Variants in NAV1 observed in about 807,000 individuals in gnomAD.
The protein encoded by NAV1 is pore membrane and/or filament interacting like protein 3.
A neutral mutation model predicts 175.2 loss-of-function variants in NAV1; 18 were observed. That is an observed-to-expected ratio of 0.10 (90% CI 0.07 to 0.15). The LOEUF (loss-of-function observed/expected upper bound fraction) is 0.15. Ranked by LOEUF, NAV1 falls within the 10% of genes least tolerant of loss-of-function variation. The pLI is 1.00. For synonymous variants in NAV1, 897 were observed against 978.7 expected, an observed-to-expected ratio of 0.92 and a Z score of 1.56; for missense variants, 1,731 against 2,436.6, an observed-to-expected ratio of 0.71 and a Z score of 6.10.
At chr1:201,662,621 AG>A (rs538050031) in intron 1 of NAV1, among the ~76,000 whole-genome samples, 1 of 152,148 alleles carries the variant, frequency 6.6e-6, no homozygotes, top group Admixed American at 6.5e-5. Flanking sequence ...TACCCACAGC[AG>A]GGGGGGTAAT....
At chr1:201,705,349 T>G (rs1671624785) in intron 1 of NAV1, among the ~76,000 whole-genome samples, 2 of 152,256 alleles carry the variant, frequency 1.3e-5, no homozygotes, top group African/African-American at 4.8e-5. Context: ...CTAGTTTTTC[T>G]TTCCTTGCCT....
intron 2 of NAV1, 124 bp downstream of exon 6, chr1:201,713,043 G>A: frequency 1.5e-6 from 1 of 660,996 alleles, no homozygotes; most frequent in South Asian, 1.8e-5. Context: ...CTGATGCGTG[G>A]AGCCACTGCA....
chr1:201,768,177 T>G (rs531437767), intron 3 of NAV1, among the ~76,000 whole-genome samples: 4 of 151,526 alleles, frequency 2.6e-5, no homozygotes, highest in Admixed American at 2.6e-4. Flanking sequence ...ATACAAAAAT[T>G]AGTCAGGTGT....
intron 1 of NAV1, among the ~76,000 whole-genome samples, chr1:201,659,776 A>AG (rs1472580285): frequency 6.6e-6 from 1 of 152,242 alleles, no homozygotes; most frequent in Non-Finnish European, 1.5e-5. Flanking sequence ...ATGGTCCTTC[A>AG]GGGAGTGAAG....
At chr1:201,610,718 C>T (rs563828704) in intron 2 of NAV1, among the ~76,000 whole-genome samples, 1 of 152,250 alleles carries the variant, frequency 6.6e-6, no homozygotes, top group Admixed American at 6.5e-5. Context: ...TGTTCAGAAG[C>T]CTCTCCTGGG....
intron 1 of NAV1, among the ~76,000 whole-genome samples, chr1:201,690,055 C>T (rs74557714): frequency 3.0e-5 from 4 of 133,482 alleles, no homozygotes; most frequent in Admixed American, 2.2e-4. Flanking sequence ...CTATTTCCTC[C>T]ATGGCCTGTC....
intron 1 of NAV1, among the ~76,000 whole-genome samples, chr1:201,571,444 T>C (rs954621448): frequency 2.0e-5 from 3 of 152,220 alleles, no homozygotes; most frequent in Non-Finnish European, 4.4e-5. Flanking sequence ...CTTCCATGTT[T>C]GTTCCAGGTA....
At chr1:201,649,418 G>A in exon 1 of NAV1, 1 of 1,554,248 alleles carries the variant, frequency 6.4e-7, no homozygotes, top group Non-Finnish European at 8.7e-7. Flanking sequence ...TCTTCAGCCA[G>A]ATGCTGGGTA....
chr1:201,728,158 G>A (rs972515737), intron 3 of NAV1, among the ~76,000 whole-genome samples: 3 of 151,958 alleles, frequency 2.0e-5, no homozygotes, highest in Non-Finnish European at 2.9e-5. Context: ...ATCTCACTCT[G>A]TTGCACAGGC....
chr1:201,787,793 A>G lies in NAV1; in HGVS notation c.2996-675A>G. On this transcript the variant is annotated intron_variant, in intron 9 of 29. Coordinates refer to ENST00000367296, the Ensembl canonical transcript of NAV1. The surrounding 1 kb of genome is among the most constrained non-coding windows in gnomAD (Gnocchi z 4.3). ...GGTAAGGCATCTGCAGGTTAACGGG[A>G]TTCAGCTGAACCCAGCTTCAAAGCA... 1 of 447,282 alleles carries G rather than the reference A, an allele frequency of 2.2e-6. No homozygotes were observed. The highest frequency in any genetic ancestry group is 2.4e-5 in the Admixed American group (1 of 41,982). 27.7% of individuals were successfully genotyped at this position (447,282 alleles called of 1,614,324 possible).
chr1:201,546,766 T>C (rs1476373227), intron 1 of NAV1, among the ~76,000 whole-genome samples: 1 of 151,430 alleles, frequency 6.6e-6, no homozygotes, highest in Non-Finnish European at 1.5e-5. Context: ...TAGCTGGGCA[T>C]GGTGGTGGGT....
intron 1 of NAV1, among the ~76,000 whole-genome samples, chr1:201,706,470 G>A (rs1179086703): frequency 1.3e-5 from 2 of 152,130 alleles, no homozygotes; most frequent in African/African-American, 4.8e-5. Flanking sequence ...AAAGATCCCT[G>A]GGCCAAGAGT....
chr1:201,802,136 C>CAAAAAAAAAAAAAAAAAAAAA (rs771631007), intron 15 of NAV1, among the ~76,000 whole-genome samples: 18 of 20,272 alleles, frequency 8.9e-4, no homozygotes, highest in Non-Finnish European at 1.8e-3. Context: ...GACTCCGTCT[C>CAAAAAAAAAAAAAAAAAAAAA]AAAAAAAAAA....
At chr1:201,606,765 T>C (rs935491116) in intron 2 of NAV1, among the ~76,000 whole-genome samples, 66 of 152,332 alleles carry the variant, frequency 4.3e-4, no homozygotes, top group African/African-American at 1.6e-3. Flanking sequence ...TTGGCCTGAC[T>C]GTTCAAGGCC....
exon 2 of NAV1, chr1:201,629,459 G>A: frequency 7.7e-7 from 1 of 1,304,332 alleles, no homozygotes; most frequent in South Asian, 1.2e-5. Flanking sequence ...GCCCCTTGAT[G>A]GCTATGCTGA....
intron 13 of NAV1, chr1:201,792,170 C>T (rs1284370613): frequency 6.6e-6 from 1 of 151,936 alleles, no homozygotes; most frequent in Non-Finnish European, 1.5e-5. Flanking sequence ...GGTTCTGCAT[C>T]TTAAAGGCAG....
intron 1 of NAV1, among the ~76,000 whole-genome samples, chr1:201,564,959 T>G (rs1004170365): frequency 1.3e-5 from 2 of 152,232 alleles, no homozygotes; most frequent in Non-Finnish European, 2.9e-5. Context: ...TCTCTGCTTT[T>G]AAGGACTCAT....
chr1:201,557,641 G>A (rs956143718), intron 1 of NAV1, among the ~76,000 whole-genome samples: 8 of 152,210 alleles, frequency 5.3e-5, no homozygotes, highest in Non-Finnish European at 1.0e-4. Flanking sequence ...CAGTTTTCAG[G>A]TGGGTTAACT....
At chr1:201,719,036 C>T (rs1484769059) in intron 3 of NAV1, among the ~76,000 whole-genome samples, 2 of 151,868 alleles carry the variant, frequency 1.3e-5, no homozygotes, top group African/African-American at 4.8e-5. Flanking sequence ...TTCTGTCACC[C>T]TCCTCCCTGG....
Sources: allele counts gnomAD v4.1 joint callset (sites outside exome capture counted in the v4.1 genomes callset), GRCh38; gene constraint gnomAD v4.1.1; non-coding constraint Gnocchi (gnomAD v3.1); transcripts MANE v1.5; gene names NCBI Gene and HGNC (gene_info 2026-07-23, HGNC 2026-07-21).